ATE1: variants seen among roughly 807,000 people sequenced by gnomAD.
ATE1 encodes arginyltransferase 1, also known as arginyl-tRNA--protein transferase 1.
In ATE1, 36 loss-of-function variants were observed where a neutral mutation model predicts 70.5. That is an observed-to-expected ratio of 0.51 (90% confidence interval 0.39 to 0.67). ATE1 has a LOEUF of 0.67. ATE1 is among the 30% of genes least tolerant of loss of function. The probability of loss-of-function intolerance (pLI) is 0.00; values close to 1 mark genes in which losing one functional copy is unlikely to be tolerated. For missense variants in ATE1, 593 were observed against 629.5 expected (o/e 0.94, Z 0.62); for synonymous variants, 232 against 219.3 (o/e 1.06, Z -0.51).
chr10:121,873,168 A>G (rs1047755338), intron 7 of ATE1, among the ~76,000 whole-genome samples: 1 of 152,198 alleles, frequency 6.6e-6, no homozygotes, highest in Admixed American at 6.5e-5. Flanking sequence ...TAACAATATT[A>G]ATAACACTGT....
chr10:121,872,820 A>G (rs977088415), intron 7 of ATE1, among the ~76,000 whole-genome samples: 12 of 152,120 alleles, frequency 7.9e-5, no homozygotes, highest in African/African-American at 2.7e-4. Flanking sequence ...GCACACATTA[A>G]TATCACTTGT....
chr10:121,783,516 T>C (rs906436680), intron 11 of ATE1, among the ~76,000 whole-genome samples: 3 of 131,870 alleles, frequency 2.3e-5, no homozygotes, highest in Non-Finnish European at 1.6e-5. Flanking sequence ...GATGGAGTCA[T>C]AGTCTAACTG....
intron 7 of ATE1, among the ~76,000 whole-genome samples, chr10:121,884,979 G>T (rs1464321700): frequency 6.6e-6 from 1 of 152,084 alleles, no homozygotes; most frequent in Admixed American, 6.6e-5. Flanking sequence ...ATGTGCTTTA[G>T]GCCAGGCACA....
rs940342386 is a variant in ATE1, at chr10:121,742,079, A to T, written c.*1601T>A. ...ACTACTTTGCAGGTCAAAATCCCAG[A>T]AAAATGTAAAATCTTGTGATCAGAG... On this transcript the variant is annotated 3_prime_UTR_variant, in exon 12 of 12. Coordinates refer to ENST00000224652, the MANE Select transcript of ATE1 (RefSeq NM_001001976.3). 2.0e-5 allele frequency: 3 copies of T among 152,192 alleles called. No homozygotes were observed. Among genetic ancestry groups the T allele is most frequent in the Non-Finnish European group, 4.4e-5 (3 of 68,030 alleles). The allele number at this position is 152,192 out of a possible 1,614,324, so 9.4% of individuals were successfully genotyped here.
chr10:121,849,141 G>T (rs183436455), intron 8 of ATE1, among the ~76,000 whole-genome samples: 5 of 148,916 alleles, frequency 3.4e-5, no homozygotes, highest in Non-Finnish European at 5.9e-5. Context: ...ATCCCAGGAG[G>T]TGGAGATTAC....
chr10:121,874,414 T>C (rs537442868), intron 7 of ATE1, among the ~76,000 whole-genome samples: 1 of 152,220 alleles, frequency 6.6e-6, no homozygotes, highest in Non-Finnish European at 1.5e-5. Context: ...CATATTTCAT[T>C]GCAGACAAAT....
chr10:121,823,960 C>A (rs1302464752), intron 10 of ATE1, among the ~76,000 whole-genome samples: 1 of 152,116 alleles, frequency 6.6e-6, no homozygotes, highest in African/African-American at 2.4e-5. Context: ...AAACTCTGGG[C>A]AAGCTAACCA....
At chr10:121,748,073 T>C (rs1278725207) in intron 11 of ATE1, among the ~76,000 whole-genome samples, 2 of 152,242 alleles carry the variant, frequency 1.3e-5, no homozygotes, top group Non-Finnish European at 2.9e-5. Flanking sequence ...CAAAATTTTC[T>C]AAATCTAAAA....
intron 3 of ATE1, among the ~76,000 whole-genome samples, chr10:121,920,951 G>A (rs1488500723): frequency 2.7e-5 from 4 of 150,768 alleles, no homozygotes; most frequent in Admixed American, 6.6e-5. Context: ...CCGAGATCGC[G>A]CCATTGCACT....
chr10:121,751,981 C>T (rs976105687), intron 11 of ATE1, among the ~76,000 whole-genome samples: 1 of 151,820 alleles, frequency 6.6e-6, no homozygotes, highest in African/African-American at 2.4e-5. Flanking sequence ...ATCGTGAGGT[C>T]AGGAAATCGA....
chr10:121,904,377 C>T (rs1050393609), intron 5 of ATE1, among the ~76,000 whole-genome samples: 24 of 151,644 alleles, frequency 1.6e-4, no homozygotes, highest in Admixed American at 6.6e-4. Flanking sequence ...TGCAGTGGCT[C>T]ATGCCTGTAA....
chr10:121,807,766 T>G (rs921159274), intron 10 of ATE1, among the ~76,000 whole-genome samples: 1 of 152,218 alleles, frequency 6.6e-6, no homozygotes, highest in Non-Finnish European at 1.5e-5. Flanking sequence ...GCTGCTTGTT[T>G]ATTATGGCCC....
At chr10:121,810,708 TTTTG>T (rs1356315730) in intron 10 of ATE1, among the ~76,000 whole-genome samples, 2 of 151,998 alleles carry the variant, frequency 1.3e-5, no homozygotes, top group South Asian at 2.1e-4. Flanking sequence ...ACAAATTTTT[TTTTG>T]TTTTTGTTGA....
At chr10:121,822,297 G>C (rs1947829579) in intron 10 of ATE1, among the ~76,000 whole-genome samples, 1 of 152,150 alleles carries the variant, frequency 6.6e-6, no homozygotes, top group Non-Finnish European at 1.5e-5. Flanking sequence ...AAAGTACATT[G>C]AATGCTTCTA....
intron 4 of ATE1, among the ~76,000 whole-genome samples, chr10:121,911,442 T>C (rs1002232707): frequency 5.5e-5 from 7 of 128,340 alleles, no homozygotes; most frequent in Non-Finnish European, 9.8e-5. Context: ...TACAGTAAAT[T>C]AAAAAAAAAA....
chr10:121,864,364 C>T (rs1359461484), intron 8 of ATE1, among the ~76,000 whole-genome samples: 2 of 152,208 alleles, frequency 1.3e-5, no homozygotes, highest in East Asian at 1.9e-4. Context: ...CTATGAGAAT[C>T]TAATACCACA....
chr10:121,885,260 CAAAAAAAAAAA>C (rs1212899309), intron 7 of ATE1, among the ~76,000 whole-genome samples: 2 of 33,392 alleles, frequency 6.0e-5, no homozygotes, highest in Middle Eastern at 0.029. Context: ...GACTCCGTCT[CAAAAAAAAAAA>C]AAAAAAAAAA....
chr10:121,759,205 T>C (rs1243554617), intron 11 of ATE1, among the ~76,000 whole-genome samples: 1 of 152,118 alleles, frequency 6.6e-6, no homozygotes, highest in Non-Finnish European at 1.5e-5. Context: ...ACACAAATCA[T>C]AAGTAAAACA....
chr10:121,836,578 T>C, intron 10 of ATE1, 140 bp downstream of exon 10: 1 of 548,680 alleles, frequency 1.8e-6, no homozygotes, highest in African/African-American at 2.0e-5. Context: ...GAGAGCTTAA[T>C]TTCTGAGGCA....
Sources: gnomAD v4.1 joint callset for allele counts (sites outside exome capture counted in the v4.1 genomes callset) on GRCh38, gnomAD v4.1.1 for gene constraint, MANE v1.5 for transcripts, NCBI Gene and HGNC (gene_info 2026-07-23, HGNC 2026-07-21) for gene names.